ZEB1: variants seen among roughly 807,000 people sequenced by gnomAD.
The protein encoded by ZEB1 is zinc finger E-box binding homeobox 1.
Under a neutral mutation model 84.9 loss-of-function variants are expected in ZEB1, and 21 were observed. The ratio of observed to expected loss-of-function variants is 0.25; its 90% CI spans 0.18 to 0.36. ZEB1 has a LOEUF of 0.36. Among genes scored for constraint, ZEB1 ranks in the 10% least tolerant of loss-of-function variants. The pLI, the probability that ZEB1 is intolerant of heterozygous loss-of-function variation, is 1.00. For missense variants in ZEB1, 1,104 were observed against 1,330.2 expected, an observed-to-expected ratio of 0.83 and a Z score of 2.65; for synonymous variants, 420 against 471.1, an observed-to-expected ratio of 0.89 and a Z score of 1.41.
At chr10:31,354,622 C>T (rs979958455) in intron 1 of ZEB1, among the ~76,000 whole-genome samples, 30 of 152,168 alleles carry the variant, frequency 2.0e-4, no homozygotes, top group African/African-American at 7.2e-4. Context: ...TTTCCATTTC[C>T]TATTTAATTA....
At chr10:31,366,320 GTTTTA>G (rs977066508) in intron 1 of ZEB1, among the ~76,000 whole-genome samples, 3 of 152,014 alleles carry the variant, frequency 2.0e-5, no homozygotes, top group Non-Finnish European at 2.9e-5. Context: ...ATTTTGTTTT[GTTTTA>G]TTTAATTTTG....
At chr10:31,355,992 G>A (rs916512791) in intron 1 of ZEB1, among the ~76,000 whole-genome samples, 3 of 152,088 alleles carry the variant, frequency 2.0e-5, no homozygotes, top group Non-Finnish European at 4.4e-5. Flanking sequence ...TTACAGCAGT[G>A]GAGCTGGAGA....
intron 1 of ZEB1, among the ~76,000 whole-genome samples, chr10:31,326,569 T>C (rs902587160): frequency 2.6e-5 from 4 of 152,182 alleles, no homozygotes; most frequent in Admixed American, 6.5e-5. Context: ...AAGCAGACAG[T>C]CAAAGAGATA....
At chr10:31,485,562 A>G (rs2065619059) in intron 2 of ZEB1, among the ~76,000 whole-genome samples, 1 of 151,974 alleles carries the variant, frequency 6.6e-6, no homozygotes, top group African/African-American at 2.4e-5. Flanking sequence ...TATTATTATC[A>G]GTTGGTCTTT....
chr10:31,439,148 T>C (rs933174939), intron 1 of ZEB1, among the ~76,000 whole-genome samples: 1 of 152,194 alleles, frequency 6.6e-6, no homozygotes, highest in African/African-American at 2.4e-5. Context: ...TTAAGGCACA[T>C]GTATAGTATG....
chr10:31,492,478 A>G (rs2066670290), intron 2 of ZEB1, among the ~76,000 whole-genome samples: 1 of 151,862 alleles, frequency 6.6e-6, no homozygotes, highest in African/African-American at 2.4e-5. Flanking sequence ...TTTTCCATTT[A>G]TAACGGGGTT....
At chr10:31,510,633 G>T in intron 4 of ZEB1, 40 bp from the exon 5 acceptor site, 1 of 1,553,610 alleles carries the variant, frequency 6.4e-7, no homozygotes, top group South Asian at 1.1e-5. Flanking sequence ...AATATTTTCT[G>T]AATGTTTTAA....
intron 1 of ZEB1, among the ~76,000 whole-genome samples, chr10:31,388,113 G>A (rs1452773929): frequency 6.6e-6 from 1 of 152,110 alleles, no homozygotes; most frequent in Non-Finnish European, 1.5e-5. Flanking sequence ...ATGGAGAAGA[G>A]CAGAAGCATG....
At chr10:31,328,370 T>C (rs2036042881) in intron 1 of ZEB1, among the ~76,000 whole-genome samples, 1 of 152,180 alleles carries the variant, frequency 6.6e-6, no homozygotes, top group Non-Finnish European at 1.5e-5. Context: ...GTCTAAGAAT[T>C]GGGAAAGTTT....
chr10:31,404,563 T>C (rs1358474545), intron 1 of ZEB1, among the ~76,000 whole-genome samples: 1 of 152,186 alleles, frequency 6.6e-6, no homozygotes. Flanking sequence ...TATTTTGACA[T>C]AGTAATCACT....
intron 1 of ZEB1, among the ~76,000 whole-genome samples, chr10:31,366,281 C>G (rs888045017): frequency 6.6e-6 from 1 of 152,136 alleles, no homozygotes; most frequent in African/African-American, 2.4e-5. Flanking sequence ...ATCTTTGATA[C>G]CTAATTTGTC....
At chr10:31,522,078 T>C in intron 7 of ZEB1, 142 bp downstream of exon 7, 1 of 1,323,778 alleles carries the variant, frequency 7.6e-7, no homozygotes, top group East Asian at 2.5e-5. Flanking sequence ...AATGTTTGCT[T>C]TAACTTTTCT....
chr10:31,411,500 C>T (rs943072130), intron 1 of ZEB1, among the ~76,000 whole-genome samples: 45 of 151,994 alleles, frequency 3.0e-4, no homozygotes, highest in African/African-American at 1.0e-3. Context: ...GGCGCGGTGG[C>T]GGGCGCCTGT....
chr10:31,418,714 C>A (rs1410299373), intron 1 of ZEB1, among the ~76,000 whole-genome samples: 1 of 151,986 alleles, frequency 6.6e-6, no homozygotes, highest in Non-Finnish European at 1.5e-5. Flanking sequence ...GCTTTGTGTT[C>A]TGACTGGTAG....
At chr10:31,406,408 A>G (rs2053042073) in intron 1 of ZEB1, among the ~76,000 whole-genome samples, 1 of 149,042 alleles carries the variant, frequency 6.7e-6, no homozygotes, top group Non-Finnish European at 1.5e-5. Context: ...ATGATATCTC[A>G]TTGTGGCTTT....
At chr10:31,519,667 A>G (rs1402906987) in intron 6 of ZEB1, among the ~76,000 whole-genome samples, 1 of 152,218 alleles carries the variant, frequency 6.6e-6, no homozygotes, top group Non-Finnish European at 1.5e-5. Context: ...TATTAATCAA[A>G]GATAGATATT....
intron 4 of ZEB1, among the ~76,000 whole-genome samples, chr10:31,507,512 C>T (rs946928511): frequency 6.6e-6 from 1 of 151,930 alleles, no homozygotes; most frequent in African/African-American, 2.4e-5. Context: ...GTCACACAGG[C>T]TTTGTTCATT....
At chr10:31,404,777 C>A (rs2052669808) in intron 1 of ZEB1, among the ~76,000 whole-genome samples, 1 of 151,942 alleles carries the variant, frequency 6.6e-6, no homozygotes, top group Non-Finnish European at 1.5e-5. Context: ...ATGCTTAGAG[C>A]ATGAATGTAA....
intron 1 of ZEB1, among the ~76,000 whole-genome samples, chr10:31,354,913 G>A (rs1198166541): frequency 6.6e-6 from 1 of 152,174 alleles, no homozygotes; most frequent in Non-Finnish European, 1.5e-5. Flanking sequence ...TTCTGTTGAT[G>A]CTGATAAGTG....
Sources: gnomAD v4.1 joint callset for allele counts (sites outside exome capture counted in the v4.1 genomes callset) on GRCh38, gnomAD v4.1.1 for gene constraint, MANE v1.5 for transcripts, NCBI Gene and HGNC (gene_info 2026-07-23, HGNC 2026-07-21) for gene names.